Variants in CTNNAL1 observed in about 807,000 individuals in gnomAD.
The protein encoded by CTNNAL1 is alpha-catulin.
CTNNAL1 carries 69 observed loss-of-function variants against 93.6 expected under a neutral mutation model. That is an observed-to-expected ratio of 0.74 (90% CI 0.61 to 0.90). CTNNAL1 has a LOEUF of 0.90. Ranked by LOEUF, CTNNAL1 falls within the 40% of genes least tolerant of loss-of-function variation. CTNNAL1 has a pLI of 0.00. For missense variants in CTNNAL1, 836 were observed against 862.0 expected (o/e 0.97, Z 0.38); for synonymous variants, 286 against 305.4 (o/e 0.94, Z 0.66).
chr9:108,946,297 CAA>C (rs35064357), intron 15 of CTNNAL1, among the ~76,000 whole-genome samples: 36 of 95,040 alleles, frequency 3.8e-4, no homozygotes, highest in African/African-American at 1.0e-3. Flanking sequence ...GACTAAGTCT[CAA>C]AAAAAAAAAA....
chr9:108,970,382 G>A lies in CTNNAL1; in HGVS notation c.1440+20C>T, dbSNP rs768452009. ...TCAGATAGGACACAATACAGAAGGA[G>A]CAATCTGCTATTATCATACCTGTTG... On this transcript the variant is annotated intron_variant, in intron 10 of 18. Transcript: ENST00000325551. 6 of 1,598,362 alleles carry A rather than the reference G, an allele frequency of 3.8e-6. No homozygotes were observed. The Admixed American group carries it at 7.0e-5, about 19-fold the overall frequency.
At position 108,972,784 on chromosome 9, in the gene CTNNAL1, G is replaced by C. The variant is rs200203115; in HGVS notation, c.1238C>G (p.Ala413Gly). 2.1e-5 allele frequency: 28 copies of C among 1,351,954 alleles called. No homozygotes were observed. In the East Asian group the frequency reaches 1.3e-3, roughly 62 times the overall value. 83.7% of individuals were successfully genotyped at this position (1,351,954 alleles called of 1,614,324 possible). Residue 413 changes from alanine to glycine, a missense_variant, in exon 9 of 19, where the codon GCT (alanine) becomes GGT (glycine). By Grantham distance (60) the Ala-to-Gly change is moderately conservative. Coordinates refer to ENST00000325551, the MANE Select transcript of CTNNAL1 (RefSeq NM_003798.4). ...QLAADLLKYH[A>G]DHVVLKALKL... ...TAATGCTTTTAGAACCACATGATCA[G>C]CATGGTATTTTAATAGATCTGCTGC... is the stretch of plus-strand genomic sequence containing the variant.
Position 109,013,495 on chromosome 9 carries a change from C to T in CTNNAL1, c.-53G>A, listed in dbSNP as rs1235429144. 1.5e-6 allele frequency: 2 copies of T among 1,309,152 alleles called. No individual in the cohort carries two copies. The highest frequency in any genetic ancestry group is 2.0e-6 in the Non-Finnish European group (2 of 1,024,936). The allele number at this position is 1,309,152 out of a possible 1,614,324, so 81.1% of individuals were successfully genotyped here. A position where few individuals can be genotyped will look rare whatever the true frequency, so the allele number is the denominator to read the frequency against. ...CTCCGCGCCGCGGCGAGCCTGCCGCCAGTCAGCCCACCCGCCCGAGGCGGC... is the reference window on the plus strand; with the variant it reads ...CTCCGCGCCGCGGCGAGCCTGCCGCTAGTCAGCCCACCCGCCCGAGGCGGC... On this transcript the variant is annotated 5_prime_UTR_variant, in exon 1 of 19. Coordinates refer to ENST00000325551, the MANE Select transcript of CTNNAL1 (RefSeq NM_003798.4).
rs144108055 is a variant in CTNNAL1 at position 109,011,563 on chromosome 9, T to A, written c.141+1739A>T. ...GTGAAAAGTTGCCATTTCTCCAGAT[T>A]ATGACTTTCTAGCTTGTTTTTCCAC... On this transcript the variant is annotated intron_variant, in intron 1 of 18. Transcript: ENST00000325551. Among the ~76,000 whole-genome samples, 233 of 152,338 alleles carry A rather than the reference T, an allele frequency of 1.5e-3. 1 individual carries two copies. Among genetic ancestry groups the A allele is most frequent in the Middle Eastern group, 6.8e-3 (2 of 294 alleles).
In CTNNAL1 at chr9:108,992,785, G is replaced by T. The variant is rs1474980030; in HGVS notation, c.366C>A (p.Asn122Lys). 6.2e-7 allele frequency: 1 copy of T among 1,613,516 alleles called. No individual in the cohort carries two copies. Among genetic ancestry groups the T allele is most frequent in the Non-Finnish European group, 8.5e-7 (1 of 1,179,812 alleles). ...ETIAALTDIT[N>K]LNHLESDGQI... ...GCCCATCAGATTCCAGATGGTTCAA[G>T]TTGGTTATGTCTGTAAGTGCTGCAA... The change falls in exon 3 of 19, where the codon AAC becomes AAA. Residue 122 changes from asparagine to lysine, a missense_variant. Physicochemically the swap from Asn to Lys is moderately conservative, Grantham distance 94. Transcript: ENST00000325551.
At chr9:108,951,178 CTTTTT>C (rs75266025) in intron 14 of CTNNAL1, among the ~76,000 whole-genome samples, 1 of 137,204 alleles carries the variant, frequency 7.3e-6, no homozygotes. Flanking sequence ...GCCCGGCTAA[CTTTTT>C]TTTTTTTTTT....
chr9:108,966,344 A>T (rs769804750), intron 10 of CTNNAL1, among the ~76,000 whole-genome samples: 4 of 152,254 alleles, frequency 2.6e-5, no homozygotes, highest in Non-Finnish European at 5.9e-5. Flanking sequence ...CTATGTTTTC[A>T]TCAAAATCTG....
In CTNNAL1 at chr9:108,999,400, C is replaced by G. The variant is rs534240205; in HGVS notation, c.142-144G>C. On this transcript the variant is annotated intron_variant, in intron 1 of 18. Transcript: ENST00000325551. Reference sequence around the variant, plus strand: ...GTTAGAGATGCTTCAACAGAGACAACCAGCAAAGTATCCTGCATCATTCCT... The same window carrying G: ...GTTAGAGATGCTTCAACAGAGACAAGCAGCAAAGTATCCTGCATCATTCCT... 1.3e-4 allele frequency: 95 copies of G among 717,246 alleles called. No homozygotes were observed. The African/African-American group carries it at 1.4e-3, about 10-fold the overall frequency. 44.4% of individuals were successfully genotyped at this position (717,246 alleles called of 1,614,324 possible).
In CTNNAL1 at chr9:108,945,854, G is replaced by T. The variant is rs929347035; in HGVS notation, c.1885-1836C>A. On this transcript the variant is annotated intron_variant, in intron 15 of 18. Transcript: ENST00000325551. ...AAAACCTGCAGATAGGGAGGGCCAA[G>T]TGTATATCCTATCTGACCTTTGTAC... Among the ~76,000 whole-genome samples the T allele has an allele frequency of 2.6e-5, 4 of 152,134 alleles. No homozygotes were observed. The South Asian group carries it at 8.3e-4, about 31-fold the overall frequency.
intron 2 of CTNNAL1, among the ~76,000 whole-genome samples, chr9:108,994,918 G>A (rs1249816604): frequency 6.6e-6 from 1 of 152,198 alleles, no homozygotes; most frequent in Non-Finnish European, 1.5e-5. Flanking sequence ...CCAACAGCCA[G>A]CAAGGAAGTG....
intron 1 of CTNNAL1, among the ~76,000 whole-genome samples, chr9:109,002,421 G>C (rs1826863909): frequency 6.6e-6 from 1 of 152,126 alleles, no homozygotes; most frequent in South Asian, 2.1e-4. Flanking sequence ...GAAGCGACGG[G>C]TAAAAGCTTA....
chr9:108,943,167 T>TA, intron 17 of CTNNAL1, 123 bp from the exon 18 acceptor site: 1 of 923,672 alleles, frequency 1.1e-6, no homozygotes, highest in African/African-American at 1.7e-5. Context: ...TTGAAAGAGA[T>TA]ATGGATTTAG....
At chr9:109,010,163 T>C (rs976539046) in intron 1 of CTNNAL1, among the ~76,000 whole-genome samples, 1 of 152,198 alleles carries the variant, frequency 6.6e-6, no homozygotes, top group African/African-American at 2.4e-5. Context: ...TAGCTGAGAC[T>C]AGAGTAGCTG....
At chr9:108,994,273 T>C (rs1373091907) in intron 2 of CTNNAL1, among the ~76,000 whole-genome samples, 8 of 151,090 alleles carry the variant, frequency 5.3e-5, no homozygotes, top group Non-Finnish European at 1.2e-4. Context: ...GTACATAAAA[T>C]AGAATGGAAA....
intron 12 of CTNNAL1, among the ~76,000 whole-genome samples, chr9:108,954,497 A>C (rs1195800721): frequency 6.6e-6 from 1 of 152,254 alleles, no homozygotes; most frequent in Non-Finnish European, 1.5e-5. Context: ...TATAGCACTT[A>C]CAAAAACAGT....
In CTNNAL1 at chr9:108,943,800, T is replaced by C; in HGVS notation, c.1958A>G (p.Lys653Arg). 6.2e-7 allele frequency: 1 copy of C among 1,613,552 alleles called. No homozygotes were observed. Among genetic ancestry groups the C allele is most frequent in the Non-Finnish European group, 8.5e-7 (1 of 1,179,822 alleles). Residue 653 changes from lysine (K) to arginine (R), a missense_variant, in exon 17 of 19, where the codon AAG becomes AGG. Physicochemically the swap from Lys to Arg is conservative, Grantham distance 26 (BLOSUM62 2). Transcript: ENST00000325551. ...GTTTATTTCCAGGAGAAGCATAAGC[T>C]TGTCATCGTCTTTCAGCTGAAATGT... ...AFSKQLKDDDKLMLLLEINKL... is the reference protein window; with the variant it reads ...AFSKQLKDDDRLMLLLEINKL...
At chr9:108,949,027 A>G (rs1166885821) in intron 14 of CTNNAL1, among the ~76,000 whole-genome samples, 2 of 152,216 alleles carry the variant, frequency 1.3e-5, no homozygotes, top group East Asian at 1.9e-4. Flanking sequence ...TTGAAAAACT[A>G]TAAGGCACTA....
At chr9:109,011,439 C>G (rs956346960) in intron 1 of CTNNAL1, among the ~76,000 whole-genome samples, 2 of 152,014 alleles carry the variant, frequency 1.3e-5, no homozygotes, top group Non-Finnish European at 2.9e-5. Context: ...GTGATTTATA[C>G]TTTTCTTCCT....
chr9:108,972,864 G>GGGGGGGGGGGCC, intron 8 of CTNNAL1, 31 bp from the exon 9 acceptor site: 1 of 142,584 alleles, frequency 7.0e-6, no homozygotes, highest in Non-Finnish European at 1.0e-5. Context: ...GGGGGGGTGG[G>GGGGGGGGGGGCC]AGGGTGGAGA....
Sources: gnomAD v4.1 joint callset for allele counts (sites outside exome capture counted in the v4.1 genomes callset) on GRCh38, gnomAD v4.1.1 for gene constraint, MANE v1.5 for transcripts, NCBI Gene and HGNC (gene_info 2026-07-23, HGNC 2026-07-21) for gene names.